Variants in CEP112 observed in about 807,000 individuals in gnomAD.
CEP112 encodes the protein centrosomal protein 112.
In CEP112, 127 loss-of-function variants were observed where a neutral mutation model predicts 153.0. The ratio of observed to expected loss-of-function variants is 0.83; its 90% CI spans 0.72 to 0.96. The LOEUF (loss-of-function observed/expected upper bound fraction) is 0.96, where lower values mean the gene tolerates loss of function less well. Among genes scored for constraint, CEP112 ranks in the 40% least tolerant of loss-of-function variants. The pLI is 0.00. For missense variants in CEP112, 1,089 were observed against 1,101.2 expected, an observed-to-expected ratio of 0.99 and a Z score of 0.16; for synonymous variants, 358 against 374.4, an observed-to-expected ratio of 0.96 and a Z score of 0.51.
At chr17:65,931,978 G>A (rs544097603) in intron 18 of CEP112, among the ~76,000 whole-genome samples, 2 of 152,218 alleles carry the variant, frequency 1.3e-5, no homozygotes, top group African/African-American at 4.8e-5. Context: ...CTTCAGCCCT[G>A]TCCAACTACA....
At chr17:65,751,733 T>C (rs1444943341) in intron 21 of CEP112, among the ~76,000 whole-genome samples, 4 of 152,228 alleles carry the variant, frequency 2.6e-5, no homozygotes, top group Non-Finnish European at 5.9e-5. Context: ...TGCCATCATA[T>C]TCATAATTCC....
At chr17:65,836,313 G>A (rs1310232746) in intron 21 of CEP112, among the ~76,000 whole-genome samples, 2 of 152,162 alleles carry the variant, frequency 1.3e-5, no homozygotes, top group Admixed American at 6.5e-5. Flanking sequence ...ATGCAAATGG[G>A]TTAAATTCTC....
chr17:65,970,745 C>A (rs2062710679), intron 17 of CEP112, among the ~76,000 whole-genome samples: 1 of 133,702 alleles, frequency 7.5e-6, no homozygotes, highest in Non-Finnish European at 1.6e-5. Flanking sequence ...TGTGTTAATA[C>A]ATGCACATTA....
At chr17:66,043,434 C>T (rs2066069517) in intron 12 of CEP112, among the ~76,000 whole-genome samples, 1 of 147,110 alleles carries the variant, frequency 6.8e-6, no homozygotes, top group African/African-American at 2.5e-5. Flanking sequence ...ATTTTAACAA[C>T]TGTAACTCAA....
Position 66,176,825 on chromosome 17 carries a change from C to A in CEP112, c.297+5G>T. 1 of 1,593,764 alleles carries A rather than the reference C, an allele frequency of 6.3e-7. No homozygotes were observed. Among genetic ancestry groups the A allele is most frequent in the Non-Finnish European group, 8.5e-7 (1 of 1,171,120 alleles). ...AATATATACCTTTTGTTCATTGATA[C>A]CTACCATGTATGAAGGTAGAATTTT... On this transcript the variant is annotated splice_donor_5th_base_variant and intron_variant, in intron 3 of 26. Coordinates refer to ENST00000535342, the MANE Select transcript of CEP112 (RefSeq NM_001199165.4).
chr17:65,771,527 T>C (rs1282253047), intron 21 of CEP112, among the ~76,000 whole-genome samples: 2 of 152,174 alleles, frequency 1.3e-5, no homozygotes, highest in Non-Finnish European at 2.9e-5. Context: ...CAAAAACTGC[T>C]ATCAACCTAC....
chr17:65,708,761 G>A (rs1169506857), intron 23 of CEP112, among the ~76,000 whole-genome samples: 1 of 152,136 alleles, frequency 6.6e-6, no homozygotes, highest in Non-Finnish European at 1.5e-5. Context: ...GCAATTTAAC[G>A]TAAGGCAAGA....
rs186102210 is a variant in CEP112, at chr17:66,141,643, C to A, written c.471-8880G>T. Among the ~76,000 whole-genome samples the A allele has an allele frequency of 3.9e-4, 59 of 152,226 alleles. No homozygotes were observed. The East Asian group carries it at 0.01, about 26-fold the overall frequency. On this transcript the variant is annotated intron_variant, in intron 4 of 26. Transcript: ENST00000535342. ...GGTTTGACTACTATATAGTATTTAT[C>A]CTATTGTGATTGGCTATTTAACTCA...
At chr17:66,109,113 T>G (rs746579970) in intron 6 of CEP112, among the ~76,000 whole-genome samples, 4 of 152,004 alleles carry the variant, frequency 2.6e-5, no homozygotes, top group African/African-American at 9.7e-5. Flanking sequence ...TTCACAGAGG[T>G]TGGGAAGGAT....
intron 4 of CEP112, among the ~76,000 whole-genome samples, chr17:66,155,339 G>A (rs1568555333): frequency 6.6e-6 from 1 of 152,110 alleles, no homozygotes; most frequent in Non-Finnish European, 1.5e-5. Context: ...ACTGTGCCGT[G>A]AGGGACAGTG....
At chr17:66,038,291 G>A (rs371010530) in intron 12 of CEP112, among the ~76,000 whole-genome samples, 8 of 152,114 alleles carry the variant, frequency 5.3e-5, no homozygotes, top group Non-Finnish European at 1.2e-4. Context: ...AAATACTTTT[G>A]TATATACTGA....
In CEP112 at chr17:65,902,156, G is replaced by A; in HGVS notation, c.2159C>T (p.Ala720Val). The A allele has an allele frequency of 6.2e-7, 1 of 1,609,560 alleles. No homozygotes were observed. Among genetic ancestry groups the A allele is most frequent in the East Asian group, 2.2e-5 (1 of 44,838 alleles). Reference sequence around the variant, plus strand: ...TCAAATATTATTGATAATTACCTGTGCATCTCGTTTCTTGAACTCCTGAAT... The same window carrying A: ...TCAAATATTATTGATAATTACCTGTACATCTCGTTTCTTGAACTCCTGAAT... ...NQIQEFKKRD[A>V]QVIADMEAQV... Residue 720 changes from alanine to valine, a missense_variant, in exon 20 of 27, where the codon GCA (alanine) becomes GTA (valine). Ala to Val is a moderately conservative substitution (Grantham distance 64). Transcript: ENST00000535342.
intron 23 of CEP112, among the ~76,000 whole-genome samples, chr17:65,735,462 A>G (rs1160624290): frequency 1.3e-5 from 2 of 152,120 alleles, no homozygotes; most frequent in East Asian, 3.9e-4. Context: ...AGATTTAACA[A>G]AATCAATACA....
At chr17:65,903,224 T>C (rs1388138413) in intron 19 of CEP112, 2 of 152,164 alleles carry the variant, frequency 1.3e-5, no homozygotes, top group African/African-American at 2.4e-5. Flanking sequence ...TTTTCTTCAG[T>C]TTTGGTGGAT....
chr17:66,081,559 G>A lies in CEP112; in HGVS notation c.769-11558C>T, dbSNP rs1043382141. Among the ~76,000 whole-genome samples, 6 of 151,332 alleles carry A rather than the reference G, an allele frequency of 4.0e-5. No individual in the cohort carries two copies. In the East Asian group the frequency reaches 9.7e-4, roughly 24 times the overall value. On this transcript the variant is annotated intron_variant, in intron 8 of 26. Transcript: ENST00000535342. ...GTCATTTATTATGTCAATAACTGTG[G>A]CTTTCTTTATCCTAGAGTTATTTAA...
chr17:65,813,905 C>T (rs1398897136), intron 21 of CEP112, among the ~76,000 whole-genome samples: 3 of 152,072 alleles, frequency 2.0e-5, no homozygotes, highest in South Asian at 4.1e-4. Flanking sequence ...ACAATGTCAA[C>T]GTTTAACACA....
At position 65,668,442 on chromosome 17, in the gene CEP112, G is replaced by A. The variant is rs147419798; in HGVS notation, c.2697+20687C>T. Among the ~76,000 whole-genome samples the A allele has an allele frequency of 2.5e-3, 380 of 152,272 alleles. 3 individuals carry two copies. The highest frequency in any genetic ancestry group is 8.3e-3 in the African/African-American group (343 of 41,556). On this transcript the variant is annotated intron_variant, in intron 24 of 26. Coordinates refer to ENST00000535342, the MANE Select transcript of CEP112 (RefSeq NM_001199165.4). ...AGAGACCTTATTACCCCTGTGACTT[G>A]TATTTCTGCATTTTTCTTTTCCTAA...
chr17:65,676,970 A>G (rs1156748374), intron 24 of CEP112, among the ~76,000 whole-genome samples: 2 of 152,182 alleles, frequency 1.3e-5, no homozygotes, highest in African/African-American at 2.4e-5. Flanking sequence ...ATCAACCCTA[A>G]GAAACAGGAC....
At chr17:65,736,574 A>T (rs896647039) in intron 23 of CEP112, among the ~76,000 whole-genome samples, 1 of 152,172 alleles carries the variant, frequency 6.6e-6, no homozygotes, top group Non-Finnish European at 1.5e-5. Flanking sequence ...AACTAATACC[A>T]TTATTTCAGT....
Sources: gnomAD v4.1 joint callset for allele counts (sites outside exome capture counted in the v4.1 genomes callset) on GRCh38, gnomAD v4.1.1 for gene constraint, MANE v1.5 for transcripts, NCBI Gene and HGNC (gene_info 2026-07-23, HGNC 2026-07-21) for gene names.